Variants in LRRC7 observed in about 807,000 individuals in gnomAD.
LRRC7 encodes the protein leucine rich repeat containing 7, also known as leucine-rich repeat-containing protein 7.
A neutral mutation model predicts 175.7 loss-of-function variants in LRRC7; 23 were observed. That is an observed-to-expected ratio of 0.13 (90% confidence interval 0.09 to 0.19). The LOEUF (loss-of-function observed/expected upper bound fraction) is 0.19, where lower values mean the gene tolerates loss of function less well. LRRC7 is among the 10% of genes least tolerant of loss of function. The probability of loss-of-function intolerance (pLI) is 1.00; values close to 1 mark genes in which losing one functional copy is unlikely to be tolerated. For missense variants in LRRC7, 1,354 were observed against 1,904.7 expected, an observed-to-expected ratio of 0.71 and a Z score of 5.38; for synonymous variants, 685 against 680.9, an observed-to-expected ratio of 1.01 and a Z score of -0.09.
intron 1 of LRRC7, among the ~76,000 whole-genome samples, chr1:69,651,756 C>T (rs1223253049): frequency 1.3e-5 from 2 of 152,042 alleles, no homozygotes; most frequent in Non-Finnish European, 2.9e-5. Flanking sequence ...GTCCTGGCTC[C>T]CTGCTTCTCG....
intron 2 of LRRC7, among the ~76,000 whole-genome samples, chr1:69,702,308 A>G (rs143535459): frequency 6.6e-6 from 1 of 152,240 alleles, no homozygotes; most frequent in Admixed American, 6.5e-5. Flanking sequence ...CAAGTGCATC[A>G]GTTCTTACTG....
chr1:70,123,937 G>A lies in LRRC7; in HGVS notation c.*2050G>A, dbSNP rs2102250785. Reference sequence around the variant, plus strand: ...TATGGGAGAAGTGGGAGAAGAGCCAGATATAGAACTGCCCCAAGTCTTTTT... The same window carrying A: ...TATGGGAGAAGTGGGAGAAGAGCCAAATATAGAACTGCCCCAAGTCTTTTT... On this transcript the variant is annotated 3_prime_UTR_variant, in exon 27 of 27. Transcript: ENST00000651989. Among the ~76,000 whole-genome samples, 1 of 152,140 alleles carries A rather than the reference G, an allele frequency of 6.6e-6. No individual in the cohort carries two copies. Among genetic ancestry groups the A allele is most frequent in the East Asian group, 1.9e-4 (1 of 5,184 alleles).
intron 1 of LRRC7, among the ~76,000 whole-genome samples, chr1:69,575,180 C>T (rs1645895325): frequency 6.6e-6 from 1 of 152,088 alleles, no homozygotes; most frequent in Non-Finnish European, 1.5e-5. Context: ...TGCTGAGGGT[C>T]ATCCAACTGT....
intron 7 of LRRC7, among the ~76,000 whole-genome samples, chr1:69,896,269 A>T (rs180713916): frequency 6.6e-6 from 1 of 152,212 alleles, no homozygotes; most frequent in Admixed American, 6.5e-5. Flanking sequence ...GATATTTATA[A>T]CCTTAAATAT....
At chr1:70,037,843 G>A (rs1243668251) in intron 20 of LRRC7, among the ~76,000 whole-genome samples, 1 of 152,086 alleles carries the variant, frequency 6.6e-6, no homozygotes, top group Non-Finnish European at 1.5e-5. Flanking sequence ...TATTCTAGCA[G>A]AGGACACAAC....
At chr1:69,716,206 G>A (rs926652044) in intron 2 of LRRC7, 4 of 489,634 alleles carry the variant, frequency 8.2e-6, no homozygotes, top group South Asian at 4.6e-5. Context: ...GCAGAGACAG[G>A]AATAACTAGC....
intron 8 of LRRC7, among the ~76,000 whole-genome samples, chr1:69,941,966 G>A (rs767389938): frequency 3.9e-5 from 6 of 152,054 alleles, no homozygotes; most frequent in Non-Finnish European, 7.4e-5. Flanking sequence ...TTTTAGGACT[G>A]TTGTCAAATT....
chr1:69,817,780 T>G (rs1678773560), intron 4 of LRRC7, among the ~76,000 whole-genome samples: 1 of 152,138 alleles, frequency 6.6e-6, no homozygotes, highest in Non-Finnish European at 1.5e-5. Context: ...ATCTTCTCAT[T>G]TATTTTTGTC....
At chr1:69,733,134 G>C (rs1193652412) in intron 2 of LRRC7, among the ~76,000 whole-genome samples, 1 of 152,038 alleles carries the variant, frequency 6.6e-6, no homozygotes, top group East Asian at 1.9e-4. Context: ...ATTTATAAAT[G>C]AGGACATGTG....
At chr1:69,751,047 A>G (rs767932237) in intron 2 of LRRC7, among the ~76,000 whole-genome samples, 32 of 152,228 alleles carry the variant, frequency 2.1e-4, no homozygotes, top group Admixed American at 1.3e-4. Flanking sequence ...TTGAAAATGT[A>G]GACTCAGTGA....
intron 8 of LRRC7, among the ~76,000 whole-genome samples, chr1:69,950,219 A>G (rs1649776712): frequency 6.6e-6 from 1 of 151,396 alleles, no homozygotes; most frequent in Non-Finnish European, 1.5e-5. Context: ...ATAGACAGAT[A>G]GACATATGGA....
chr1:69,879,596 C>A (rs1300364428), intron 7 of LRRC7: 2 of 152,492 alleles, frequency 1.3e-5, no homozygotes, highest in Admixed American at 6.6e-5. Context: ...AACATCCAGG[C>A]GGGGTGGCAC....
At chr1:69,989,889 C>G (rs1654272806) in intron 10 of LRRC7, among the ~76,000 whole-genome samples, 1 of 152,054 alleles carries the variant, frequency 6.6e-6, no homozygotes, top group Non-Finnish European at 1.5e-5. Flanking sequence ...TGCCATAGAA[C>G]AAAAAGAGCT....
intron 5 of LRRC7, among the ~76,000 whole-genome samples, chr1:69,832,582 T>C (rs928513879): frequency 6.6e-6 from 1 of 152,088 alleles, no homozygotes; most frequent in Admixed American, 6.6e-5. Flanking sequence ...ATTTACCAAA[T>C]TGGCAAAAAT....
intron 10 of LRRC7, among the ~76,000 whole-genome samples, chr1:69,987,014 C>T (rs936352609): frequency 6.6e-6 from 1 of 152,064 alleles, no homozygotes; most frequent in African/African-American, 2.4e-5. Context: ...GAGGCCAAGG[C>T]GGGTGGGTCA....
intron 8 of LRRC7, among the ~76,000 whole-genome samples, chr1:69,937,025 GT>G (rs1204001225): frequency 6.6e-6 from 1 of 151,744 alleles, no homozygotes; most frequent in Non-Finnish European, 1.5e-5. Flanking sequence ...GTTATTGCAG[GT>G]TTTTTTTACT....
chr1:70,093,496 G>A (rs915770405), intron 25 of LRRC7, among the ~76,000 whole-genome samples: 1 of 152,054 alleles, frequency 6.6e-6, no homozygotes, highest in African/African-American at 2.4e-5. Context: ...TTCTTAATAA[G>A]CATTATAATA....
chr1:69,605,426 C>G (rs551837463), intron 1 of LRRC7, among the ~76,000 whole-genome samples: 1 of 152,170 alleles, frequency 6.6e-6, no homozygotes, highest in Non-Finnish European at 1.5e-5. Context: ...CCCTGATTGA[C>G]CTGGATGATT....
intron 1 of LRRC7, among the ~76,000 whole-genome samples, chr1:69,587,775 T>C (rs1428278451): frequency 2.0e-5 from 3 of 152,154 alleles, no homozygotes; most frequent in Admixed American, 6.5e-5. Context: ...TCCCTATTAT[T>C]ATCTCTCTCT....
Sources: gnomAD v4.1 joint callset for allele counts (sites outside exome capture counted in the v4.1 genomes callset) on GRCh38, gnomAD v4.1.1 for gene constraint, MANE v1.5 for transcripts, NCBI Gene and HGNC (gene_info 2026-07-23, HGNC 2026-07-21) for gene names.